NAV2: variants seen among roughly 807,000 people sequenced by gnomAD.
NAV2 encodes helicase, APC down-regulated 1.
Under a neutral mutation model 223.2 loss-of-function variants are expected in NAV2, and 54 were observed. That is an observed-to-expected ratio of 0.24 (90% CI 0.19 to 0.30). The LOEUF is 0.30. NAV2 is among the 10% of genes least tolerant of loss of function. The probability of loss-of-function intolerance (pLI) is 1.00; values close to 1 mark genes in which losing one functional copy is unlikely to be tolerated. For missense variants in NAV2, 2,806 were observed against 3,147.5 expected (o/e 0.89, Z 2.60); for synonymous variants, 1,279 against 1,239.3 (o/e 1.03, Z -0.67).
intron 1 of NAV2, among the ~76,000 whole-genome samples, chr11:19,623,636 C>G (rs941929181): frequency 2.6e-5 from 4 of 152,236 alleles, no homozygotes; most frequent in Non-Finnish European, 4.4e-5. Flanking sequence ...GAGGTCTTCT[C>G]TACACTGGTT....
intron 1 of NAV2, among the ~76,000 whole-genome samples, chr11:19,600,993 T>C (rs1202723140): frequency 1.3e-5 from 2 of 152,200 alleles, no homozygotes; most frequent in East Asian, 3.8e-4. Context: ...ACAGAAGCTT[T>C]GTTTATATAC....
intron 26 of NAV2, among the ~76,000 whole-genome samples, chr11:20,083,844 T>C (rs986638901): frequency 4.6e-5 from 7 of 152,238 alleles, no homozygotes; most frequent in African/African-American, 1.7e-4. Context: ...GAAGGGCCTT[T>C]TCCATGCTGT....
chr11:20,056,449 T>A, intron 19 of NAV2: 3 of 961,854 alleles, frequency 3.1e-6, no homozygotes, highest in Non-Finnish European at 5.0e-6. Context: ...TGTATTGTTT[T>A]CAGTTATGCC....
intron 11 of NAV2, among the ~76,000 whole-genome samples, chr11:20,025,773 C>T (rs1014613036): frequency 1.3e-5 from 2 of 152,212 alleles, no homozygotes; most frequent in Non-Finnish European, 2.9e-5. Context: ...CGTCTGTAGA[C>T]GTTGCTTCTC....
At chr11:19,431,309 C>T (rs957108346) in intron 1 of NAV2, among the ~76,000 whole-genome samples, 1 of 152,118 alleles carries the variant, frequency 6.6e-6, no homozygotes, top group Admixed American at 6.5e-5. Flanking sequence ...TTCTTTGCTG[C>T]GTTTAACGAC....
At chr11:19,451,494 C>G (rs1171623332) in intron 1 of NAV2, among the ~76,000 whole-genome samples, 2 of 152,198 alleles carry the variant, frequency 1.3e-5, no homozygotes, top group East Asian at 3.8e-4. Context: ...TACTATTATT[C>G]AGCTCTGTGC....
intron 1 of NAV2, among the ~76,000 whole-genome samples, chr11:19,471,410 C>T (rs1237367020): frequency 8.5e-5 from 13 of 152,168 alleles, no homozygotes; most frequent in Non-Finnish European, 1.3e-4. Flanking sequence ...TAATAAGAAG[C>T]GACAGCAATA....
chr11:20,014,975 A>T (rs188331329), intron 11 of NAV2, among the ~76,000 whole-genome samples: 17 of 152,158 alleles, frequency 1.1e-4, no homozygotes, highest in African/African-American at 3.6e-4. Flanking sequence ...ACATGCCAGT[A>T]GTCCCAGCTA....
intron 1 of NAV2, among the ~76,000 whole-genome samples, chr11:19,662,040 T>C (rs2048297117): frequency 6.6e-6 from 1 of 152,146 alleles, no homozygotes; most frequent in African/African-American, 2.4e-5. Context: ...ATGTCTGCCA[T>C]AGTTGTGGGA....
At position 20,051,025 on chromosome 11, in the gene NAV2, CGAG is replaced by C. The variant is rs2057953459; in HGVS notation, c.4437-261_4437-259del. Among the ~76,000 whole-genome samples the C allele has an allele frequency of 5.3e-5, 8 of 152,318 alleles. No homozygotes were observed. The South Asian group carries it at 1.7e-3, about 32-fold the overall frequency. ...AATTTTGCTTTGAATCTGTGGAAAA[CGAG>C]GAACAATTGGGGTTAAGGGACTCAG... On this transcript the variant is annotated intron_variant, in intron 16 of 37. Coordinates refer to ENST00000349880, the MANE Select transcript of NAV2 (RefSeq NM_145117.5).
Position 19,561,111 on chromosome 11 carries a change from G to A in NAV2, c.75+210084G>A, listed in dbSNP as rs536255040. 4.7e-4 allele frequency among the ~76,000 whole-genome samples: 72 copies of A among 152,310 alleles called. 1 individual carries two copies. The highest frequency in any genetic ancestry group is 9.8e-4 in the Admixed American group (15 of 15,300). On this transcript the variant is annotated intron_variant, in intron 1 of 37. Transcript: ENST00000360655. Reference sequence around the variant, plus strand: ...ATGGATGACCTCAACCATCCCTTCCGATTCTAAATTTCAGCTTGGGTCTCT... The same window carrying A: ...ATGGATGACCTCAACCATCCCTTCCAATTCTAAATTTCAGCTTGGGTCTCT...
At chr11:19,555,257 T>A (rs1043162088) in intron 1 of NAV2, among the ~76,000 whole-genome samples, 4 of 152,214 alleles carry the variant, frequency 2.6e-5, no homozygotes, top group African/African-American at 9.6e-5. Context: ...AGGCCTCAGC[T>A]GGTCCCCAGG....
At chr11:20,000,094 C>T (rs774395405) in intron 11 of NAV2, among the ~76,000 whole-genome samples, 1 of 152,124 alleles carries the variant, frequency 6.6e-6, no homozygotes, top group Non-Finnish European at 1.5e-5. Flanking sequence ...CCTTGGGGAA[C>T]TCTGGCAATG....
intron 1 of NAV2, among the ~76,000 whole-genome samples, chr11:19,371,388 T>G (rs1848464125): frequency 6.6e-6 from 1 of 152,104 alleles, no homozygotes; most frequent in African/African-American, 2.4e-5. Context: ...AGTTTAACCC[T>G]CCCTCATTTT....
intron 1 of NAV2, among the ~76,000 whole-genome samples, chr11:19,451,313 A>C (rs1851782598): frequency 6.6e-6 from 1 of 151,872 alleles, no homozygotes; most frequent in South Asian, 2.1e-4. Flanking sequence ...ATTCCTAGAG[A>C]TTTACTTGTA....
chr11:19,616,851 G>T (rs1205371139), intron 1 of NAV2, among the ~76,000 whole-genome samples: 2 of 152,098 alleles, frequency 1.3e-5, no homozygotes, highest in Non-Finnish European at 2.9e-5. Flanking sequence ...TTAGCATAGA[G>T]ATGTAGAAAG....
chr11:19,759,850 C>A (rs1020391613), intron 1 of NAV2, among the ~76,000 whole-genome samples: 1 of 151,730 alleles, frequency 6.6e-6, no homozygotes, highest in Non-Finnish European at 1.5e-5. Context: ...CCGTTTGAGG[C>A]GCAGGTGCAG....
At chr11:20,073,463 G>A (rs947924729) in intron 22 of NAV2, among the ~76,000 whole-genome samples, 1 of 152,206 alleles carries the variant, frequency 6.6e-6, no homozygotes, top group Non-Finnish European at 1.5e-5. Context: ...ATGAGCCAGG[G>A]AGGATTCCTT....
intron 3 of NAV2, among the ~76,000 whole-genome samples, chr11:19,855,388 G>A (rs988583710): frequency 6.6e-6 from 1 of 152,132 alleles, no homozygotes; most frequent in Non-Finnish European, 1.5e-5. Flanking sequence ...CTGGTCATTC[G>A]AAATCCTTGA....
Sources: allele counts gnomAD v4.1 joint callset (sites outside exome capture counted in the v4.1 genomes callset), GRCh38; gene constraint gnomAD v4.1.1; transcripts MANE v1.5; gene names NCBI Gene and HGNC (gene_info 2026-07-23, HGNC 2026-07-21).